KIF24: variants seen among roughly 807,000 people sequenced by gnomAD.
KIF24 encodes the protein kinesin family member 24, also known as kinesin-like protein KIF24.
KIF24 carries 81 observed loss-of-function variants against 118.9 expected under a neutral mutation model. The observed-to-expected ratio is 0.68, with a 90% CI of 0.57 to 0.82. The LOEUF (loss-of-function observed/expected upper bound fraction) is 0.82, where lower values mean the gene tolerates loss of function less well. Among genes scored for constraint, KIF24 ranks in the 40% least tolerant of loss-of-function variants. KIF24 has a pLI of 0.00. For missense variants in KIF24, 1,560 were observed against 1,661.6 expected, an observed-to-expected ratio of 0.94 and a Z score of 1.06; for synonymous variants, 599 against 610.0, an observed-to-expected ratio of 0.98 and a Z score of 0.27.
intron 4 of KIF24, among the ~76,000 whole-genome samples, chr9:34,296,309 G>A (rs1836474652): frequency 6.7e-6 from 1 of 149,420 alleles, no homozygotes; most frequent in African/African-American, 2.5e-5. Context: ...GGCGGATCAC[G>A]AGGTCAGGAG....
At chr9:34,290,423 A>G (rs756030281) in intron 4 of KIF24, 34 bp from the exon 5 acceptor site, 4 of 1,330,456 alleles carry the variant, frequency 3.0e-6, no homozygotes, top group African/African-American at 2.9e-5. Flanking sequence ...ACTTATGCAT[A>G]TTAAGAGAAG....
intron 1 of KIF24, among the ~76,000 whole-genome samples, chr9:34,325,770 G>A (rs1170114396): frequency 2.0e-5 from 3 of 152,152 alleles, no homozygotes; most frequent in Admixed American, 1.3e-4. Flanking sequence ...TATCCCTACA[G>A]TATATTAAAA....
At chr9:34,258,960 T>C (rs925308260) in intron 10 of KIF24, among the ~76,000 whole-genome samples, 2 of 152,156 alleles carry the variant, frequency 1.3e-5, no homozygotes, top group African/African-American at 4.8e-5. Flanking sequence ...TTCCCAGTCA[T>C]GGCAATCAAA....
rs1001512660 is a variant in KIF24 at position 34,318,870 on chromosome 9, G to T, written c.-25-7499C>A. ...CGCAGCAGCAAGCAGCACTACAACTGCGAGCACTCCAAGATCAATTTCCAT... is the reference window on the plus strand; with the variant it reads ...CGCAGCAGCAAGCAGCACTACAACTTCGAGCACTCCAAGATCAATTTCCAT... On this transcript the variant is annotated intron_variant, in intron 1 of 12. Transcript: ENST00000402558. The surrounding 1 kb of genome is among the most constrained non-coding windows in gnomAD (Gnocchi z 4.9). The T allele has an allele frequency of 5.0e-6, 8 of 1,601,384 alleles. No homozygotes were observed. The highest frequency in any genetic ancestry group is 6.8e-6 in the Non-Finnish European group (8 of 1,171,822).
rs1835516504 is a variant in KIF24, at chr9:34,271,746, C to A, written c.1337+63G>T. 3 of 1,576,470 alleles carry A rather than the reference C, an allele frequency of 1.9e-6. No homozygotes were observed. The East Asian group carries it at 6.8e-5, about 35-fold the overall frequency. On this transcript the variant is annotated intron_variant, in intron 7 of 12. Transcript: ENST00000402558. ...GCAGGGTATCCTGTTGTTGAGAAAA[C>A]ATACTTCAAAGTCACATTAAAGGAA...
chr9:34,293,842 AT>A (rs1359023132), intron 4 of KIF24, among the ~76,000 whole-genome samples: 1 of 152,388 alleles, frequency 6.6e-6, no homozygotes, highest in African/African-American at 2.4e-5. Context: ...CTACAATGAG[AT>A]TATTTAATAC....
intron 6 of KIF24, among the ~76,000 whole-genome samples, chr9:34,272,518 G>A (rs1485140103): frequency 2.0e-5 from 3 of 152,242 alleles, no homozygotes; most frequent in Non-Finnish European, 4.4e-5. Context: ...CAGGGGAGGT[G>A]AAGCGTCAGG....
chr9:34,327,634 G>A (rs1285887638), intron 1 of KIF24, among the ~76,000 whole-genome samples: 1 of 152,082 alleles, frequency 6.6e-6, no homozygotes, highest in African/African-American at 2.4e-5. Context: ...GTCTTTGGAA[G>A]GCTGAGAGTG....
chr9:34,306,326 T>C lies in KIF24; in HGVS notation c.739A>G (p.Thr247Ala), dbSNP rs752674119. ...AGTAGAGTTTCTTTGTCTTCTACAG[T>C]AATAATATTAATTTCTCCACGACGT... ...EVRRGEINIITVEDKETLLVH... is the reference protein window; with the variant it reads ...EVRRGEINIIAVEDKETLLVH... The change falls in exon 3 of 13, where the codon ACT (threonine) becomes GCT (alanine). Residue 247 changes from threonine to alanine, a missense_variant. Around this residue, in one of 3 missense-constraint regions of KIF24, gnomAD observed 964 missense variants for 988.0 expected, o/e 0.98. Coordinates refer to ENST00000402558, the MANE Select transcript of KIF24 (RefSeq NM_194313.4). 3.1e-6 allele frequency: 5 copies of C among 1,609,488 alleles called. No individual in the cohort carries two copies. The highest frequency in any genetic ancestry group is 1.3e-5 in the African/African-American group (1 of 74,854).
intron 3 of KIF24, among the ~76,000 whole-genome samples, chr9:34,298,293 C>G (rs977895093): frequency 6.6e-6 from 1 of 152,170 alleles, no homozygotes; most frequent in Non-Finnish European, 1.5e-5. Context: ...CACCTGTAAT[C>G]TCAGCACTTT....
In KIF24 at chr9:34,290,270, A is replaced by C. The variant is rs570962152; in HGVS notation, c.1031T>G (p.Leu344Arg). 1 of 1,613,888 alleles carries C rather than the reference A, an allele frequency of 6.2e-7. No homozygotes were observed. Among genetic ancestry groups the C allele is most frequent in the East Asian group, 2.2e-5 (1 of 44,874 alleles). Residue 344 changes from leucine (L) to arginine (R), a missense_variant, in exon 5 of 13, where the codon CTA (leucine) becomes CGA (arginine). This residue lies in a region of KIF24 where 964 missense variants were observed against 988.0 expected (regional missense o/e 0.98). Transcript: ENST00000402558. ...GTGCTTTCTTGGCTGGGACACTTCT[A>C]GTTGCCTGAAGATATCTTTGGCAGC... ...ALAAKDIFRQ[L>R]EVSQPRKHLF...
intron 8 of KIF24, among the ~76,000 whole-genome samples, chr9:34,268,615 C>A (rs767858266): frequency 6.6e-6 from 1 of 150,378 alleles, no homozygotes; most frequent in Non-Finnish European, 1.5e-5. Flanking sequence ...TCAAGCGATT[C>A]TCCTGCCTCA....
chr9:34,328,307 C>T (rs1247087587), intron 1 of KIF24, among the ~76,000 whole-genome samples: 2 of 152,212 alleles, frequency 1.3e-5, no homozygotes, highest in East Asian at 3.8e-4. Context: ...GTGACAATAG[C>T]TGCCGGTCAC....
intron 2 of KIF24, among the ~76,000 whole-genome samples, chr9:34,308,162 C>A (rs550284307): frequency 1.3e-5 from 2 of 152,242 alleles, no homozygotes; most frequent in South Asian, 4.1e-4. Context: ...GAAACAGGGT[C>A]TCACCATGTT....
chr9:34,314,254 C>T (rs1837266765), intron 1 of KIF24, among the ~76,000 whole-genome samples: 1 of 152,012 alleles, frequency 6.6e-6, no homozygotes, highest in Non-Finnish European at 1.5e-5. Flanking sequence ...ACCTCCGCCT[C>T]CCGAGTTCAA....
At chr9:34,293,885 C>T (rs745800136) in intron 4 of KIF24, among the ~76,000 whole-genome samples, 5 of 152,192 alleles carry the variant, frequency 3.3e-5, no homozygotes, top group Admixed American at 6.5e-5. Flanking sequence ...GAAAGCCTGA[C>T]GATAGCAGAT....
In KIF24 at chr9:34,318,199, AAAAAGAC is replaced by A. The variant is rs1387496275; in HGVS notation, c.-25-6835_-25-6829del. On this transcript the variant is annotated intron_variant, in intron 1 of 12. Transcript: ENST00000402558. This position sits in a 1 kb window ranked among gnomAD's most constrained non-coding sequence, Gnocchi z 4.9. ...AACATAGTGAGACCCCGCCCCTAAA[AAAAAGAC>A]ATGAATAATGAACATATAGGTAACC... Among the ~76,000 whole-genome samples, 2 of 152,202 alleles carry A rather than the reference AAAAAGAC, an allele frequency of 1.3e-5. No homozygotes were observed. The highest frequency in any genetic ancestry group is 4.8e-5 in the African/African-American group (2 of 41,452).
At chr9:34,319,086 G>T in intron 1 of KIF24, 1 of 1,335,638 alleles carries the variant, frequency 7.5e-7, no homozygotes, top group Non-Finnish European at 1.1e-6. Context: ...ATGGTGACTC[G>T]GTTCTATACC....
At chr9:34,259,484 C>T in intron 10 of KIF24, 112 bp downstream of exon 10, 1 of 755,854 alleles carries the variant, frequency 1.3e-6, no homozygotes, top group Non-Finnish European at 2.3e-6. Context: ...GTGGGAGAGA[C>T]ATGTGCATGC....
Sources: allele counts gnomAD v4.1 joint callset (sites outside exome capture counted in the v4.1 genomes callset), GRCh38; gene constraint gnomAD v4.1.1; regional missense constraint gnomAD v4.1.1; non-coding constraint Gnocchi (gnomAD v3.1); transcripts MANE v1.5; gene names NCBI Gene and HGNC (gene_info 2026-07-23, HGNC 2026-07-21).